The following PSD variants were observed in gnomAD, a reference collection of about 807,000 sequenced individuals.
PSD encodes the protein PH and SEC7 domain-containing protein 1.
In PSD, 32 loss-of-function variants were observed where a neutral mutation model predicts 91.6. The ratio of observed to expected loss-of-function variants is 0.35; its 90% CI spans 0.26 to 0.47. The LOEUF (loss-of-function observed/expected upper bound fraction) is 0.47. Ranked by LOEUF, PSD falls within the 20% of genes least tolerant of loss-of-function variation. PSD has a pLI of 1.00. For synonymous variants in PSD, 532 were observed against 569.3 expected, an observed-to-expected ratio of 0.93 and a Z score of 0.93; for missense variants, 1,099 against 1,373.9, an observed-to-expected ratio of 0.80 and a Z score of 3.16.
In PSD at chr10:102,418,713, A is replaced by G. The variant is rs1378668608; in HGVS notation, c.-96T>C. Reference sequence around the variant, plus strand: ...CCTCAGTACTCACCGCTGCTCGCCCAGAGCTGAGACCGAGGAGAGACAGAG... The same window carrying G: ...CCTCAGTACTCACCGCTGCTCGCCCGGAGCTGAGACCGAGGAGAGACAGAG... On this transcript the variant is annotated 5_prime_UTR_variant, in exon 1 of 17. Coordinates refer to ENST00000020673, the MANE Select transcript of PSD (RefSeq NM_002779.5). The G allele has an allele frequency of 2.2e-6, 1 of 455,886 alleles. No individual in the cohort carries two copies. The allele number at this position is 455,886 out of a possible 1,614,324, so 28.2% of individuals were successfully genotyped here.
upstream of PSD, chr10:102,418,883 A>AGAGCCCC (rs1158974682): frequency 2.2e-5 from 7 of 318,098 alleles, no homozygotes; most frequent in East Asian, 6.5e-4. Context: ...CCCAGGGCCC[A>AGAGCCCC]GAGCCCCGGA....
In PSD at chr10:102,410,367, G is replaced by T. The variant is rs2135455294; in HGVS notation, c.2091+491C>A. On this transcript the variant is annotated intron_variant, in intron 10 of 16. Transcript: ENST00000020673. This position sits in a 1 kb window ranked among gnomAD's most constrained non-coding sequence, Gnocchi z 6.0. ...AGCTCCAGCTTTGCGCTAACTCGCT[G>T]CCAGACCTTGGAAAAGCTTAGTCCC... Among the ~76,000 whole-genome samples the T allele has an allele frequency of 6.6e-6, 1 of 152,356 alleles. No individual in the cohort carries two copies. The highest frequency in any genetic ancestry group is 1.5e-5 in the Non-Finnish European group (1 of 68,028).
intron 10 of PSD, among the ~76,000 whole-genome samples, chr10:102,408,539 G>A (rs902591217): frequency 6.6e-6 from 1 of 152,158 alleles, no homozygotes; most frequent in East Asian, 1.9e-4. Context: ...GCCAGAAAGC[G>A]GAAGTGGCCA....
intron 11 of PSD, among the ~76,000 whole-genome samples, chr10:102,406,751 C>T (rs1380506633): frequency 6.6e-6 from 1 of 152,202 alleles, no homozygotes; most frequent in African/African-American, 2.4e-5. Flanking sequence ...GTGATCTGCC[C>T]GCCTTGGCCT....
Position 102,416,432 on chromosome 10 carries a change from G to A in PSD, c.607C>T (p.Leu203=). ...GCAGGTCCTCCGAAGAGTGTGGCCA[G>A]GCGCTCAGGGGGGCCCCCCAGCCCA... is the stretch of plus-strand genomic sequence containing the variant. ...PNGLGGPPER[L]ATLFGGPADT... is the part of the protein sequence containing the mutation. The change falls in exon 2 of 17, where the codon CTG becomes TTG. Residue 203 remains leucine (L), a synonymous_variant. Transcript: ENST00000020673. This position sits in a 1 kb window ranked among gnomAD's most constrained non-coding sequence, Gnocchi z 6.0. The A allele has an allele frequency of 6.2e-7, 1 of 1,611,168 alleles. No individual in the cohort carries two copies. The highest frequency in any genetic ancestry group is 8.5e-7 in the Non-Finnish European group (1 of 1,178,872).
Position 102,403,155 on chromosome 10 carries a change from C to T in PSD, c.*45G>A. 1.4e-6 allele frequency: 2 copies of T among 1,405,664 alleles called. No homozygotes were observed. The highest frequency in any genetic ancestry group is 3.0e-5 in the South Asian group (2 of 66,812). 87.1% of individuals were successfully genotyped at this position (1,405,664 alleles called of 1,614,324 possible). A position where few individuals can be genotyped will look rare whatever the true frequency, so the allele number is the denominator to read the frequency against. The stretch of plus-strand genomic sequence containing the variant: ...GGCCCGGGCTCAGGCAGGGCCATGT[C>T]ATCCTTCAGGTGCCCAGCAGGCACT... On this transcript the variant is annotated 3_prime_UTR_variant, in exon 17 of 17. Transcript: ENST00000020673. The surrounding 1 kb of genome is among the most constrained non-coding windows in gnomAD (Gnocchi z 6.7).
rs2135456611 is a variant in PSD at position 102,411,741 on chromosome 10, G to A, written c.1908C>T (p.Tyr636=). The change falls in exon 8 of 17, where the codon TAC becomes TAT. Residue 636 remains tyrosine (Y), a synonymous_variant. Transcript: ENST00000020673. ...ACAGGGCTTCAGGATTGCACTGGAA[G>A]TATCGCTGGGAGAAGTGGGCCAGCA... The part of the protein sequence containing the change: ...ERVLAHFSQR[Y]FQCNPEALSS... 1 of 1,613,806 alleles carries A rather than the reference G, an allele frequency of 6.2e-7. No individual in the cohort carries two copies. Among genetic ancestry groups the A allele is most frequent in the Non-Finnish European group, 8.5e-7 (1 of 1,179,868 alleles).
chr10:102,403,113 G>A lies in PSD; in HGVS notation c.*87C>T, dbSNP rs544373996. On this transcript the variant is annotated 3_prime_UTR_variant, in exon 17 of 17. Coordinates refer to ENST00000020673, the MANE Select transcript of PSD (RefSeq NM_002779.5). The surrounding 1 kb of genome is among the most constrained non-coding windows in gnomAD (Gnocchi z 6.7). ...TCGGGCCCTAGGCCGGGAGGCCCTCGTGGGTGGCCCGAGGCCGGCCCGGGC... is the reference window on the plus strand; with the variant it reads ...TCGGGCCCTAGGCCGGGAGGCCCTCATGGGTGGCCCGAGGCCGGCCCGGGC... 7.7e-4 allele frequency: 889 copies of A among 1,157,386 alleles called. 1 individual carries two copies. Among genetic ancestry groups the A allele is most frequent in the Middle Eastern group, 1.8e-3 (6 of 3,292 alleles). 71.7% of individuals were successfully genotyped at this position (1,157,386 alleles called of 1,614,324 possible).
chr10:102,412,341 C>T (rs368907951), intron 6 of PSD, 40 bp downstream of exon 6: 3 of 1,611,620 alleles, frequency 1.9e-6, no homozygotes, highest in Non-Finnish European at 2.5e-6. Context: ...AGGATGCATT[C>T]CCTCTGCCCC....
In PSD at chr10:102,405,285, T is replaced by C. The variant is rs2061347221; in HGVS notation, c.2327-32A>G. 13 of 1,609,492 alleles carry C rather than the reference T, an allele frequency of 8.1e-6. No homozygotes were observed. Among genetic ancestry groups the C allele is most frequent in the Non-Finnish European group, 1.1e-5 (13 of 1,179,772 alleles). ...GGAGAGAAGACAGGTCAGGGGGCCC[T>C]GGAACAGGCCCACTCCCATCCATCC... On this transcript the variant is annotated intron_variant, in intron 12 of 16. Coordinates refer to ENST00000020673, the MANE Select transcript of PSD (RefSeq NM_002779.5). The surrounding 1 kb of genome is among the most constrained non-coding windows in gnomAD (Gnocchi z 5.4).
intron 11 of PSD, 95 bp downstream of exon 11, chr10:102,407,128 C>A (rs565218490): frequency 1.4e-5 from 15 of 1,037,360 alleles, no homozygotes; most frequent in Non-Finnish European, 1.9e-5. Context: ...CCCTCCCCTA[C>A]CCCCACCCAG....
In PSD at chr10:102,416,675, C is replaced by T. The variant is rs771826693; in HGVS notation, c.364G>A (p.Gly122Ser). The T allele has an allele frequency of 6.8e-6, 11 of 1,609,824 alleles. No individual in the cohort carries two copies. The South Asian group carries it at 7.7e-5, about 11-fold the overall frequency. The change falls in exon 2 of 17, where the codon GGC (glycine) becomes AGC (serine). Residue 122 changes from glycine to serine, a missense_variant. By Grantham distance (56) the Gly-to-Ser change is moderately conservative. Around this residue, in one of 3 missense-constraint regions of PSD, gnomAD observed 631 missense variants for 728.8 expected, o/e 0.87. Coordinates refer to ENST00000020673, the MANE Select transcript of PSD (RefSeq NM_002779.5). This position sits in a 1 kb window ranked among gnomAD's most constrained non-coding sequence, Gnocchi z 6.0. ...RPLNGLPAPGGLSRSWDLGGV... is the reference protein window; with the variant it reads ...RPLNGLPAPGSLSRSWDLGGV... ...CCCAGATCCCAGCTCCGACTCAAGC[C>T]CCCTGGAGCAGGTAGCCCATTCAGT...
Position 102,411,108 on chromosome 10 carries a change from G to GT in PSD, c.1950_1951insA (p.His651ThrfsTer18). 6.2e-7 allele frequency: 1 copy of GT among 1,609,132 alleles called. No homozygotes were observed. ...AGCATGAGCGCACAGGTCAGCGTGT[G>GT]GGCGCCGTCTAGGGGAGAGCTGACT... On this transcript the variant is annotated frameshift_variant, in exon 9 of 17. Transcript: ENST00000020673. LOFTEE classifies it high-confidence loss of function.
chr10:102,403,540 C>T lies in PSD; in HGVS notation c.2845-110G>A, dbSNP rs918160617. The T allele has an allele frequency of 9.1e-7, 1 of 1,094,838 alleles. No homozygotes were observed. The highest frequency in any genetic ancestry group is 1.6e-5 in the African/African-American group (1 of 63,744). 67.8% of individuals were successfully genotyped at this position (1,094,838 alleles called of 1,614,324 possible). A position where few individuals can be genotyped will look rare whatever the true frequency, so the allele number is the denominator to read the frequency against. On this transcript the variant is annotated intron_variant, in intron 16 of 16. Transcript: ENST00000020673. This position sits in a 1 kb window ranked among gnomAD's most constrained non-coding sequence, Gnocchi z 6.7. ...GGGCAGAAGATGGCAGGTGCCCACC[C>T]AGGACTGTGAGATGGTCCCATGCGG...
In PSD at chr10:102,413,803, C is replaced by T. The variant is rs1237222069; in HGVS notation, c.1519G>A (p.Asp507Asn). The stretch of plus-strand genomic sequence containing the variant: ...GGTGCTGCCCCCAGCCCAAGGCTGT[C>T]CTCTGAGTGGCAGGGACTAGGGGGC... Reference protein sequence around the residue: ...REPPSPCHSEDSLGLGAAPLG... With the variant: ...REPPSPCHSENSLGLGAAPLG... Residue 507 changes from aspartate (D) to asparagine (N), a missense_variant, in exon 5 of 17, where the codon GAC becomes AAC. Transcript: ENST00000020673. The T allele has an allele frequency of 6.2e-7, 1 of 1,614,022 alleles. No homozygotes were observed. Among genetic ancestry groups the T allele is most frequent in the East Asian group, 2.2e-5 (1 of 44,874 alleles).
rs949221001 is a variant in PSD, at chr10:102,404,414, C to T, written c.2700+169G>A. ...AAAGCACTATGTTTGGGTTCCCAGCCGGCAAGCGGGACCCAGTGGGGGCTG... is the reference window on the plus strand; with the variant it reads ...AAAGCACTATGTTTGGGTTCCCAGCTGGCAAGCGGGACCCAGTGGGGGCTG... On this transcript the variant is annotated intron_variant, in intron 15 of 16. Transcript: ENST00000020673. The surrounding 1 kb of genome is among the most constrained non-coding windows in gnomAD (Gnocchi z 5.7). 5.9e-5 allele frequency among the ~76,000 whole-genome samples: 9 copies of T among 152,130 alleles called. No individual in the cohort carries two copies. The highest frequency in any genetic ancestry group is 1.7e-4 in the African/African-American group (7 of 41,430).
chr10:102,410,728 C>G lies in PSD; in HGVS notation c.2091+130G>C, dbSNP rs2061416676. On this transcript the variant is annotated intron_variant, in intron 10 of 16. Transcript: ENST00000020673. The surrounding 1 kb of genome is among the most constrained non-coding windows in gnomAD (Gnocchi z 6.0). ...GGTCCCCAGGCTGAGTCACGAGAGC[C>G]CGGGCTTCCGTGGCAGGAGCCGGGG... 1 of 755,646 alleles carries G rather than the reference C, an allele frequency of 1.3e-6. No individual in the cohort carries two copies. Among genetic ancestry groups the G allele is most frequent in the Admixed American group, 2.0e-5 (1 of 50,262 alleles). 46.8% of individuals were successfully genotyped at this position (755,646 alleles called of 1,614,324 possible).
rs541853405 is a variant in PSD at position 102,408,635 on chromosome 10, C to T, written c.2092-1369G>A. 2.6e-5 allele frequency among the ~76,000 whole-genome samples: 4 copies of T among 152,376 alleles called. No homozygotes were observed. In the East Asian group the frequency reaches 7.7e-4, roughly 29 times the overall value. On this transcript the variant is annotated intron_variant, in intron 10 of 16. Coordinates refer to ENST00000020673, the MANE Select transcript of PSD (RefSeq NM_002779.5). ...GGACCCCCTTCGGCCCACCATCACACCTCATTCGAGGGCCCTGAACCCCAT... is the reference window on the plus strand; with the variant it reads ...GGACCCCCTTCGGCCCACCATCACATCTCATTCGAGGGCCCTGAACCCCAT...
chr10:102,416,134 G>A lies in PSD; in HGVS notation c.655-15C>T, dbSNP rs757867599. ...CAGGTATCCCCCTGAGCCAACGAGG[G>A]AGACACAGGCACCCAGAGATAAAGC... On this transcript the variant is annotated splice_polypyrimidine_tract_variant and intron_variant, in intron 2 of 16. Transcript: ENST00000020673. This position sits in a 1 kb window ranked among gnomAD's most constrained non-coding sequence, Gnocchi z 6.0. 3 of 1,583,838 alleles carry A rather than the reference G, an allele frequency of 1.9e-6. No homozygotes were observed. The highest frequency in any genetic ancestry group is 1.1e-5 in the South Asian group (1 of 89,612).
Sources: allele counts gnomAD v4.1 joint callset (sites outside exome capture counted in the v4.1 genomes callset), GRCh38; gene constraint gnomAD v4.1.1; regional missense constraint gnomAD v4.1.1; non-coding constraint Gnocchi (gnomAD v3.1); transcripts MANE v1.5; gene names NCBI Gene and HGNC (gene_info 2026-07-23, HGNC 2026-07-21).